The following AKR1E2 variants were observed in gnomAD, a reference collection of about 807,000 sequenced individuals.
AKR1E2 encodes aldo-keto reductase family 1 member E2.
In AKR1E2, 43 loss-of-function variants were observed where a neutral mutation model predicts 41.9. That is an observed-to-expected ratio of 1.03 (90% CI 0.80 to 1.32). The LOEUF is 1.32. AKR1E2 is among the 40% of genes most tolerant of loss of function. The pLI is 0.00. For missense variants in AKR1E2, 423 were observed against 396.5 expected, an observed-to-expected ratio of 1.07 and a Z score of -0.57; for synonymous variants, 121 against 138.9, an observed-to-expected ratio of 0.87 and a Z score of 0.91.
downstream of AKR1E2, among the ~76,000 whole-genome samples, chr10:4,848,395 G>T (rs1834461975): frequency 6.6e-6 from 1 of 152,206 alleles, no homozygotes; most frequent in African/African-American, 2.4e-5. Flanking sequence ...GTTGGTAGAG[G>T]GTGTGGGTTA....
intron 8 of AKR1E2, chr10:4,846,115 C>T (rs1169580168): frequency 3.2e-6 from 1 of 310,338 alleles, no homozygotes; most frequent in Non-Finnish European, 6.5e-6. Flanking sequence ...CAAGAATCCG[C>T]CTACCCCGGC....
the AKR1E2 span, among the ~76,000 whole-genome samples, chr10:4,862,035 G>A: frequency 5.3e-5 from 8 of 152,142 alleles, no homozygotes; most frequent in African/African-American, 1.9e-4. Context: ...TATTGCCTAG[G>A]TTTTCTTCTA....
At chr10:4,868,535 A>G in the AKR1E2 span, among the ~76,000 whole-genome samples, 1 of 152,158 alleles carries the variant, frequency 6.6e-6, no homozygotes, top group African/African-American at 2.4e-5. Flanking sequence ...TTCTTGTGAT[A>G]TGTATGCCTT....
chr10:4,828,342 A>G (rs1429544244), intron 1 of AKR1E2, among the ~76,000 whole-genome samples: 1 of 152,202 alleles, frequency 6.6e-6, no homozygotes, highest in African/African-American at 2.4e-5. Context: ...AGATGTCTGG[A>G]GACCTCAGCC....
chr10:4,857,994 CTT>C, the AKR1E2 span, among the ~76,000 whole-genome samples: 1 of 152,030 alleles, frequency 6.6e-6, no homozygotes, highest in East Asian at 1.9e-4. Flanking sequence ...TTATATATCT[CTT>C]CTCTTGTCTT....
At chr10:4,834,690 A>C (rs905786818) in intron 3 of AKR1E2, among the ~76,000 whole-genome samples, 6 of 152,256 alleles carry the variant, frequency 3.9e-5, no homozygotes, top group African/African-American at 1.4e-4. Flanking sequence ...GCCCAGAAGC[A>C]TATGCTCAGG....
chr10:4,832,732 T>C (rs1174790016), intron 2 of AKR1E2, among the ~76,000 whole-genome samples: 2 of 125,090 alleles, frequency 1.6e-5, no homozygotes, highest in East Asian at 2.5e-4. Flanking sequence ...TCTTTTACTT[T>C]CTTTTACTTT....
At chr10:4,863,438 A>G in the AKR1E2 span, among the ~76,000 whole-genome samples, 2 of 152,186 alleles carry the variant, frequency 1.3e-5, no homozygotes, top group Non-Finnish European at 2.9e-5. Context: ...ACATACCAGA[A>G]TCTCTGGGAC....
downstream of AKR1E2, among the ~76,000 whole-genome samples, chr10:4,851,787 C>T (rs1410215902): frequency 6.6e-6 from 1 of 152,170 alleles, no homozygotes; most frequent in African/African-American, 2.4e-5. Flanking sequence ...GAATTTGACT[C>T]GGGAAATCTG....
intron 7 of AKR1E2, 32 bp from the exon 8 acceptor site, chr10:4,842,389 T>C (rs766128031): frequency 6.9e-6 from 11 of 1,594,552 alleles, no homozygotes. Context: ...GATTTCCCTT[T>C]GTGTGATAGT....
intron 1 of AKR1E2, among the ~76,000 whole-genome samples, chr10:4,830,471 C>T (rs903606790): frequency 1.3e-5 from 2 of 151,678 alleles, no homozygotes; most frequent in African/African-American, 4.8e-5. Flanking sequence ...TTTTTTTTCC[C>T]AAAATATGTA....
intron 2 of AKR1E2, among the ~76,000 whole-genome samples, chr10:4,831,246 G>A (rs1832948137): frequency 6.6e-6 from 1 of 152,246 alleles, no homozygotes; most frequent in African/African-American, 2.4e-5. Flanking sequence ...AACTCTGGGT[G>A]TGGAGGAAGC....
At chr10:4,867,356 G>A in the AKR1E2 span, among the ~76,000 whole-genome samples, 4 of 152,126 alleles carry the variant, frequency 2.6e-5, no homozygotes, top group African/African-American at 7.2e-5. Flanking sequence ...ACACATTCAC[G>A]TTTCCATCTC....
At chr10:4,831,587 T>G (rs1451226201) in intron 2 of AKR1E2, among the ~76,000 whole-genome samples, 1 of 152,154 alleles carries the variant, frequency 6.6e-6, no homozygotes, top group African/African-American at 2.4e-5. Context: ...CCCCCATGAT[T>G]CAGTTACCTC....
rs144571391 is a variant in AKR1E2 at position 4,833,682 on chromosome 10, G to T, written c.324+216G>T. Among the ~76,000 whole-genome samples, 702 of 152,244 alleles carry T rather than the reference G, an allele frequency of 4.6e-3. 6 individuals are homozygous for T. Among genetic ancestry groups the T allele is most frequent in the African/African-American group, 0.016 (675 of 41,540 alleles). On this transcript the variant is annotated intron_variant, in intron 3 of 9. Transcript: ENST00000298375. The stretch of plus-strand genomic sequence containing the variant: ...GGCTTGACCTCTGAGGCCCCCACAG[G>T]TCTGTCTTTCAAGCCAGTCGCTTTT...
the AKR1E2 span, among the ~76,000 whole-genome samples, chr10:4,869,953 C>T: frequency 6.6e-6 from 1 of 151,746 alleles, no homozygotes; most frequent in African/African-American, 2.4e-5. Flanking sequence ...GTTTTATGGC[C>T]AGAATATGGT....
At chr10:4,841,900 C>T (rs770847192) in intron 7 of AKR1E2, 43 bp downstream of exon 7, 16 of 1,582,314 alleles carry the variant, frequency 1.0e-5, no homozygotes, top group Non-Finnish European at 1.4e-5. Context: ...GGTTCTCTGA[C>T]CGCTCTACAT....
chr10:4,845,928 G>A (rs1299658160), intron 8 of AKR1E2: 1 of 456,460 alleles, frequency 2.2e-6, no homozygotes, highest in South Asian at 1.6e-5. Flanking sequence ...TGCTTATGCT[G>A]TCAGGAGGAG....
chr10:4,839,723 T>C lies in AKR1E2; in HGVS notation c.583-6T>C, dbSNP rs1564268365. Reference sequence around the variant, plus strand: ...GAATTTTATGTAAGCTATGATTCTGTTATAGATTGAGTGCCACCCATATCT... The same window carrying C: ...GAATTTTATGTAAGCTATGATTCTGCTATAGATTGAGTGCCACCCATATCT... On this transcript the variant is annotated splice_polypyrimidine_tract_variant and splice_region_variant and intron_variant, in intron 5 of 9. Coordinates refer to ENST00000298375, the MANE Select transcript of AKR1E2 (RefSeq NM_001040177.3). 1 of 1,611,594 alleles carries C rather than the reference T, an allele frequency of 6.2e-7. No individual in the cohort carries two copies. The highest frequency in any genetic ancestry group is 8.5e-7 in the Non-Finnish European group (1 of 1,177,662).
Sources: allele counts gnomAD v4.1 joint callset (sites outside exome capture counted in the v4.1 genomes callset), GRCh38; gene constraint gnomAD v4.1.1; transcripts MANE v1.5; gene names NCBI Gene and HGNC (gene_info 2026-07-23, HGNC 2026-07-21).